Variants in UBXN7 observed in about 807,000 individuals in gnomAD.
UBXN7 encodes UBX domain-containing protein 7.
Under a neutral mutation model 58.0 loss-of-function variants are expected in UBXN7, and 9 were observed. The observed-to-expected ratio is 0.16, with a 90% confidence interval of 0.09 to 0.27. The LOEUF (loss-of-function observed/expected upper bound fraction) is 0.27. UBXN7 is among the 10% of genes least tolerant of loss of function. The pLI is 1.00. For missense variants in UBXN7, 328 were observed against 599.6 expected (o/e 0.55, Z 4.73); for synonymous variants, 208 against 205.0 (o/e 1.01, Z -0.12).
At chr3:196,396,544 C>T (rs1729779877) in intron 3 of UBXN7, among the ~76,000 whole-genome samples, 1 of 152,038 alleles carries the variant, frequency 6.6e-6, no homozygotes, top group African/African-American at 2.4e-5. Flanking sequence ...GGGTGGATCA[C>T]GAGGTCGGGA....
At position 196,402,980 on chromosome 3, in the gene UBXN7, T is replaced by C. The variant is rs758580224; in HGVS notation, c.261A>G (p.Ile87Met). Residue 87 changes from isoleucine to methionine, a missense_variant, in exon 3 of 11, where the codon ATA becomes ATG. Physicochemically the swap from Ile to Met is conservative, Grantham distance 10 (BLOSUM62 1). Coordinates refer to ENST00000296328, the MANE Select transcript of UBXN7 (RefSeq NM_015562.2). Reference sequence around the variant, plus strand: ...CAAATAATGGTTCTGGTTCCACCAGTATTTCCTGCTTTTGAGGAATTGGGG... The same window carrying C: ...CAAATAATGGTTCTGGTTCCACCAGCATTTCCTGCTTTTGAGGAATTGGGG... ...VRAPIPQKQE[I>M]LVEPEPLFGA... The C allele has an allele frequency of 6.3e-7, 1 of 1,599,318 alleles. No homozygotes were observed. The highest frequency in any genetic ancestry group is 8.5e-7 in the Non-Finnish European group (1 of 1,176,996).
chr3:196,361,903 A>G lies in UBXN7; in HGVS notation c.1249T>C (p.Leu417=). The stretch of plus-strand genomic sequence containing the variant: ...TCCCTTTTTCCATCTGGATACCGCA[A>G]CATCAGCTGTGCTTTTGGTCCTAAA... ...DVNGPKAQLM[L]RYPDGKREQI... is the part of the protein sequence containing the mutation. Residue 417 remains leucine, a synonymous_variant, in exon 10 of 11, where the codon TTG becomes CTG. Transcript: ENST00000296328. 6.2e-7 allele frequency: 1 copy of G among 1,613,874 alleles called. No homozygotes were observed. Among genetic ancestry groups the G allele is most frequent in the Non-Finnish European group, 8.5e-7 (1 of 1,179,918 alleles).
At chr3:196,392,128 T>C (rs947393302) in intron 4 of UBXN7, among the ~76,000 whole-genome samples, 2 of 152,124 alleles carry the variant, frequency 1.3e-5, no homozygotes, top group African/African-American at 4.8e-5. Context: ...TGGTATTCCC[T>C]ATCCCAAGGA....
chr3:196,373,701 A>T (rs896499923), intron 5 of UBXN7, among the ~76,000 whole-genome samples: 1 of 151,168 alleles, frequency 6.6e-6, no homozygotes, highest in Non-Finnish European at 1.5e-5. Flanking sequence ...AATCCCCCAG[A>T]ATAAATTATT....
chr3:196,421,634 G>A (rs1730690315), intron 1 of UBXN7, among the ~76,000 whole-genome samples: 1 of 151,918 alleles, frequency 6.6e-6, no homozygotes, highest in East Asian at 1.9e-4. Flanking sequence ...AAAATTAGCT[G>A]GGTGTGGTGG....
chr3:196,369,753 T>A (rs181043765), intron 6 of UBXN7, among the ~76,000 whole-genome samples: 2 of 152,314 alleles, frequency 1.3e-5, no homozygotes, highest in Admixed American at 1.3e-4. Context: ...CCAGTTCAGA[T>A]GAGGTATTAT....
intron 1 of UBXN7, among the ~76,000 whole-genome samples, chr3:196,412,680 A>G (rs1730369081): frequency 6.6e-6 from 1 of 152,226 alleles, no homozygotes; most frequent in African/African-American, 2.4e-5. Context: ...ACCCAAGTAT[A>G]CATCAACACA....
chr3:196,385,201 G>A (rs896282024), intron 5 of UBXN7, among the ~76,000 whole-genome samples: 6 of 152,288 alleles, frequency 3.9e-5, no homozygotes, highest in South Asian at 2.1e-4. Context: ...ACGGGGTTTC[G>A]CCGTGTTGGC....
intron 1 of UBXN7, among the ~76,000 whole-genome samples, chr3:196,412,296 A>G (rs937683970): frequency 6.6e-6 from 1 of 152,118 alleles, no homozygotes; most frequent in Non-Finnish European, 1.5e-5. Context: ...ATAATGTTAA[A>G]TCAATAAATA....
chr3:196,381,123 C>G (rs1729192948), intron 5 of UBXN7, among the ~76,000 whole-genome samples: 1 of 152,230 alleles, frequency 6.6e-6, no homozygotes, highest in Non-Finnish European at 1.5e-5. Flanking sequence ...CTGAAGAGAG[C>G]AGTGGTTCTC....
chr3:196,417,266 C>T (rs770633071), intron 1 of UBXN7, among the ~76,000 whole-genome samples: 5 of 152,040 alleles, frequency 3.3e-5, no homozygotes, highest in Non-Finnish European at 4.4e-5. Flanking sequence ...GAGCCGAGAT[C>T]GCGCGACTGC....
intron 1 of UBXN7, among the ~76,000 whole-genome samples, chr3:196,417,043 G>A (rs1023047130): frequency 6.6e-6 from 1 of 152,214 alleles, no homozygotes; most frequent in Non-Finnish European, 1.5e-5. Context: ...CACAGGCGCG[G>A]CGGCTCACGC....
chr3:196,420,968 T>C (rs971961619), intron 1 of UBXN7, among the ~76,000 whole-genome samples: 2 of 152,210 alleles, frequency 1.3e-5, no homozygotes, highest in African/African-American at 4.8e-5. Flanking sequence ...GACAAGAGGT[T>C]ACTTTTCGGT....
At chr3:196,419,835 C>T (rs907762869) in intron 1 of UBXN7, among the ~76,000 whole-genome samples, 1 of 152,154 alleles carries the variant, frequency 6.6e-6, no homozygotes, top group Admixed American at 6.6e-5. Context: ...CTGTGTTAAA[C>T]CACTCAATTT....
At chr3:196,421,063 G>A (rs141334476) in intron 1 of UBXN7, among the ~76,000 whole-genome samples, 2 of 152,298 alleles carry the variant, frequency 1.3e-5, no homozygotes, top group Non-Finnish European at 2.9e-5. Flanking sequence ...TGAGAAATAA[G>A]CTGAAATTTT....
intron 7 of UBXN7, 131 bp from the exon 8 acceptor site, chr3:196,368,286 G>T: frequency 1.2e-6 from 1 of 859,028 alleles, no homozygotes; most frequent in Non-Finnish European, 1.6e-6. Context: ...TTCAGCATAT[G>T]CATAGATTAA....
At chr3:196,362,897 GTTGTT>G (rs766609343) in intron 8 of UBXN7, among the ~76,000 whole-genome samples, 32 of 151,878 alleles carry the variant, frequency 2.1e-4, no homozygotes, top group South Asian at 6.2e-4. Context: ...ACACGTTTTT[GTTGTT>G]TTGTTTTGTT....
chr3:196,369,743 C>T (rs1728766776), intron 6 of UBXN7, among the ~76,000 whole-genome samples: 2 of 152,180 alleles, frequency 1.3e-5, no homozygotes, highest in African/African-American at 4.8e-5. Context: ...TCCTCCTTTC[C>T]CAGTTCAGAT....
chr3:196,431,793 C>A, intron 1 of UBXN7: 1 of 435,400 alleles, frequency 2.3e-6, no homozygotes, highest in Non-Finnish European at 4.6e-6. Context: ...CCGGCCTTGC[C>A]GTGAAGGCGG....
Sources: allele counts gnomAD v4.1 joint callset (sites outside exome capture counted in the v4.1 genomes callset), GRCh38; gene constraint gnomAD v4.1.1; transcripts MANE v1.5; gene names NCBI Gene and HGNC (gene_info 2026-07-23, HGNC 2026-07-21).